DPM1: variants seen among roughly 807,000 people sequenced by gnomAD.
The protein encoded by DPM1 is dolichol-phosphate mannosyltransferase subunit 1.
A neutral mutation model predicts 39.0 loss-of-function variants in DPM1; 27 were observed. The observed-to-expected ratio is 0.69, with a 90% CI of 0.51 to 0.95. DPM1 has a LOEUF of 0.95. Ranked by LOEUF, DPM1 falls within the 40% of genes least tolerant of loss-of-function variation. DPM1 has a pLI of 0.00. For missense variants in DPM1, 307 were observed against 315.6 expected (o/e 0.97, Z 0.21); for synonymous variants, 124 against 109.0 (o/e 1.14, Z -0.86).
intron 7 of DPM1, among the ~76,000 whole-genome samples, chr20:50,938,094 T>TCCCC (rs1349837592): frequency 1.3e-5 from 2 of 152,120 alleles, no homozygotes; most frequent in African/African-American, 4.8e-5. Flanking sequence ...ACCTCCTTCC[T>TCCCC]CCCCATCCAC....
intron 2 of DPM1, among the ~76,000 whole-genome samples, chr20:50,948,931 G>A (rs112160148): frequency 3.7e-4 from 56 of 151,478 alleles, no homozygotes; most frequent in African/African-American, 1.2e-3. Flanking sequence ...CGTGATCTCC[G>A]CTCACTGCAA....
Position 50,935,056 on chromosome 20 carries a change from T to C in DPM1, c.*76A>G, listed in dbSNP as rs1310299368. 4 of 886,048 alleles carry C rather than the reference T, an allele frequency of 4.5e-6. No homozygotes were observed. The highest frequency in any genetic ancestry group is 3.8e-5 in the Admixed American group (2 of 52,744). 54.9% of individuals were successfully genotyped at this position (886,048 alleles called of 1,614,324 possible). A position where few individuals can be genotyped will look rare whatever the true frequency, so the allele number is the denominator to read the frequency against. ...TTATATTTTATACTTTAAGAGTACA[T>C]TTTATACAAATCAGTAACCAGGCTT... On this transcript the variant is annotated 3_prime_UTR_variant, in exon 9 of 9. Coordinates refer to ENST00000371588, the MANE Select transcript of DPM1 (RefSeq NM_003859.3).
In DPM1 at chr20:50,935,148, A is replaced by G; in HGVS notation, c.767T>C (p.Leu256Pro). 1 of 1,586,790 alleles carries G rather than the reference A, an allele frequency of 6.3e-7. No homozygotes were observed. The highest frequency in any genetic ancestry group is 1.1e-5 in the South Asian group (1 of 90,314). Residue 256 changes from leucine to proline, a missense_variant, in exon 9 of 9, where the codon CTT becomes CCT. Transcript: ENST00000371588. ...ATCTTTCTTTTATGTAGTAGCAAAA[A>G]GAGTCAATAATCCTTTCAAGAAAGA... ...IVSFLKGLLT[L>P]FATT
chr20:50,952,880 C>T (rs1004358803), intron 2 of DPM1, among the ~76,000 whole-genome samples: 11 of 152,130 alleles, frequency 7.2e-5, no homozygotes, highest in African/African-American at 1.9e-4. Flanking sequence ...CCACACAGCA[C>T]GGTGACTATA....
intron 3 of DPM1, among the ~76,000 whole-genome samples, chr20:50,946,733 A>G (rs973792037): frequency 6.6e-6 from 1 of 152,208 alleles, no homozygotes; most frequent in African/African-American, 2.4e-5. Context: ...ACCCCTCACA[A>G]GTGTCTTATG....
At chr20:50,943,138 G>C (rs1245750571) in intron 5 of DPM1, among the ~76,000 whole-genome samples, 2 of 152,120 alleles carry the variant, frequency 1.3e-5, no homozygotes, top group African/African-American at 2.4e-5. Flanking sequence ...CTGCGCCACT[G>C]CACTCCAGCC....
chr20:50,935,990 T>C (rs1400348805), intron 8 of DPM1, among the ~76,000 whole-genome samples, 158 bp downstream of exon 8: 1 of 152,234 alleles, frequency 6.6e-6, no homozygotes, highest in Non-Finnish European at 1.5e-5. Flanking sequence ...TCAAATGTAC[T>C]AATATGAATT....
At chr20:50,941,396 T>TCATATTATATATA (rs1568763108) in intron 6 of DPM1, among the ~76,000 whole-genome samples, 2 of 146,054 alleles carry the variant, frequency 1.4e-5, no homozygotes, top group African/African-American at 5.0e-5. Flanking sequence ...ATATATATAT[T>TCATATTATATATA]CATATTATAT....
upstream of DPM1, chr20:50,958,553 A>T: frequency 6.2e-7 from 1 of 1,612,182 alleles, no homozygotes. Context: ...CCGGAAGCGG[A>T]ATTACGTAAT....
At chr20:50,957,680 T>C (rs985000906) in intron 1 of DPM1, among the ~76,000 whole-genome samples, 1 of 152,256 alleles carries the variant, frequency 6.6e-6, no homozygotes, top group Non-Finnish European at 1.5e-5. Context: ...TACATGTTAA[T>C]ATGAGAAAAA....
At chr20:50,938,310 G>A (rs543241976) in intron 7 of DPM1, among the ~76,000 whole-genome samples, 103 of 151,728 alleles carry the variant, frequency 6.8e-4, no homozygotes, top group Non-Finnish European at 1.3e-3. Context: ...TTTGTCTAGC[G>A]ACAAATGAAC....
upstream of DPM1, chr20:50,958,535 G>T: frequency 6.2e-7 from 1 of 1,613,354 alleles, no homozygotes; most frequent in Non-Finnish European, 8.5e-7. Flanking sequence ...GCGGAACTGA[G>T]CCAGATGCCG....
chr20:50,958,381 A>T lies in DPM1; in HGVS notation c.143T>A (p.Val48Glu), dbSNP rs1568776965. Residue 48 changes from valine (V) to glutamate (E), a missense_variant, in exon 1 of 9, where the codon GTG becomes GAG. Physicochemically the swap from Val to Glu is moderately radical, Grantham distance 121. Transcript: ENST00000371588. ...GCGCTACCTCTCGGAGAAGCTTTTC[A>T]CCAGCAGCCACACGATGAGCGGCAG... is the stretch of plus-strand genomic sequence containing the variant. The part of the protein sequence containing the change: ...ENLPLIVWLL[V>E]KSFSESGINY... 6.2e-7 allele frequency: 1 copy of T among 1,613,862 alleles called. No homozygotes were observed. The highest frequency in any genetic ancestry group is 1.7e-5 in the Admixed American group (1 of 60,024).
intron 5 of DPM1, 57 bp downstream of exon 5, chr20:50,945,680 C>T (rs1986238486): frequency 2.1e-6 from 3 of 1,414,584 alleles, no homozygotes; most frequent in African/African-American, 1.4e-5. Flanking sequence ...AAGCCCAAAA[C>T]CAGTAAGATA....
rs757521501 is a variant in DPM1, at chr20:50,940,880, A to C, written c.548T>G (p.Leu183Ter). ...TTCACTGTACCTGAAACTTCCTGTT[A>C]AATCAGATGCTCCTGGTCTCAGCAA... is the stretch of plus-strand genomic sequence containing the variant. The part of the protein sequence containing the change: ...QILLRPGASD[L>*]TGSFRLYRKE... The change falls in exon 7 of 9, where the codon TTA becomes TGA. Residue 183 changes from leucine to a stop codon, truncating the protein, a stop_gained. Coordinates refer to ENST00000371588, the MANE Select transcript of DPM1 (RefSeq NM_003859.3). LOFTEE classifies it high-confidence loss of function. 6.2e-7 allele frequency: 1 copy of C among 1,613,978 alleles called. No homozygotes were observed. Among genetic ancestry groups the C allele is most frequent in the Non-Finnish European group, 8.5e-7 (1 of 1,179,892 alleles).
At chr20:50,948,521 C>A (rs1050370119) in intron 3 of DPM1, 108 bp downstream of exon 3, 2 of 1,046,400 alleles carry the variant, frequency 1.9e-6, no homozygotes, top group Non-Finnish European at 3.0e-6. Context: ...TAAAAACCAT[C>A]ATAGGAAGTT....
intron 2 of DPM1, among the ~76,000 whole-genome samples, chr20:50,954,293 T>C (rs985667943): frequency 2.6e-5 from 4 of 152,116 alleles, no homozygotes; most frequent in African/African-American, 9.7e-5. Context: ...ATTTTTCCCC[T>C]AAGGAAATAT....
At chr20:50,938,655 C>G (rs1207987907) in intron 7 of DPM1, among the ~76,000 whole-genome samples, 1 of 149,020 alleles carries the variant, frequency 6.7e-6, no homozygotes, top group Non-Finnish European at 1.5e-5. Context: ...ACTGGGATTA[C>G]AGGCGTGAGC....
intron 7 of DPM1, among the ~76,000 whole-genome samples, chr20:50,938,645 A>G (rs1423680730): frequency 3.4e-5 from 5 of 149,182 alleles, no homozygotes; most frequent in South Asian, 4.3e-4. Context: ...CTCCCCAAGT[A>G]CTGGGATTAC....
Sources: gnomAD v4.1 joint callset for allele counts (sites outside exome capture counted in the v4.1 genomes callset) on GRCh38, gnomAD v4.1.1 for gene constraint, MANE v1.5 for transcripts, NCBI Gene and HGNC (gene_info 2026-07-23, HGNC 2026-07-21) for gene names.